The following SLC4A1AP variants were observed in gnomAD, a reference collection of about 807,000 sequenced individuals.
The protein encoded by SLC4A1AP is kanadaptin.
In SLC4A1AP, 64 loss-of-function variants were observed where a neutral mutation model predicts 89.7. That is an observed-to-expected ratio of 0.71 (90% confidence interval 0.58 to 0.88). SLC4A1AP has a LOEUF of 0.88. Ranked by LOEUF, SLC4A1AP falls within the 40% of genes least tolerant of loss-of-function variation. The pLI is 0.00. For missense variants in SLC4A1AP, 931 were observed against 965.0 expected, an observed-to-expected ratio of 0.96 and a Z score of 0.47; for synonymous variants, 366 against 353.3, an observed-to-expected ratio of 1.04 and a Z score of -0.40.
In SLC4A1AP at chr2:27,687,927, T is replaced by C. The variant is rs1558510242; in HGVS notation, c.2117-7T>C. ...ATGACAATATGATTTGATATTGCTT[T>C]TTATAGAAAACATGTCTCAACTTAG... On this transcript the variant is annotated splice_polypyrimidine_tract_variant and splice_region_variant and intron_variant, in intron 10 of 13. Coordinates refer to ENST00000613058, the Ensembl canonical transcript of SLC4A1AP. 2 of 1,608,484 alleles carry C rather than the reference T, an allele frequency of 1.2e-6. No individual in the cohort carries two copies. Among genetic ancestry groups the C allele is most frequent in the Non-Finnish European group, 1.7e-6 (2 of 1,175,436 alleles).
chr2:27,668,263 G>C (rs971863277), intron 3 of SLC4A1AP, among the ~76,000 whole-genome samples: 14 of 151,560 alleles, frequency 9.2e-5, no homozygotes, highest in Admixed American at 2.0e-4. Flanking sequence ...ATTCTCCTGC[G>C]TCAGCCTCCC....
At chr2:27,686,535 C>T (rs988169969) in intron 10 of SLC4A1AP, among the ~76,000 whole-genome samples, 7 of 152,188 alleles carry the variant, frequency 4.6e-5, no homozygotes, top group Middle Eastern at 3.4e-3. Flanking sequence ...GAGGCCGAGG[C>T]GGATGGATCA....
chr2:27,666,239 C>CTGT (rs1355458581), intron 2 of SLC4A1AP, among the ~76,000 whole-genome samples: 13 of 151,044 alleles, frequency 8.6e-5, no homozygotes, highest in Non-Finnish European at 1.9e-4. Flanking sequence ...CATTATATTT[C>CTGT]TGTTGGACAG....
rs1440058622 is a variant in SLC4A1AP at position 27,664,963 on chromosome 2, G to C, written c.826-137G>C. On this transcript the variant is annotated intron_variant, in intron 1 of 13. Transcript: ENST00000613058. ...TCCCAGCTGCTCAGGAGGCTGAGGTGGGAGGATCACCTGAGCCCAGGAGGT... is the reference window on the plus strand; with the variant it reads ...TCCCAGCTGCTCAGGAGGCTGAGGTCGGAGGATCACCTGAGCCCAGGAGGT... The C allele has an allele frequency of 4.9e-6, 3 of 616,248 alleles. No homozygotes were observed. In the African/African-American group the frequency reaches 5.7e-5, roughly 12 times the overall value. 38.2% of individuals were successfully genotyped at this position (616,248 alleles called of 1,614,324 possible).
exon 1 of SLC4A1AP, chr2:27,663,996 T>C: frequency 6.2e-7 from 1 of 1,614,086 alleles, no homozygotes; most frequent in Non-Finnish European, 8.5e-7. Context: ...TCTGCCGGTG[T>C]CCCCAGCGGC....
At chr2:27,673,986 C>T (rs902891750) in intron 5 of SLC4A1AP, among the ~76,000 whole-genome samples, 2 of 144,046 alleles carry the variant, frequency 1.4e-5, no homozygotes, top group East Asian at 2.2e-4. Flanking sequence ...AGGACATATA[C>T]AAGTTGTGTG....
intron 9 of SLC4A1AP, among the ~76,000 whole-genome samples, chr2:27,682,743 C>T (rs1675641754): frequency 6.6e-6 from 1 of 152,060 alleles, no homozygotes; most frequent in African/African-American, 2.4e-5. Context: ...AGGATGGTCT[C>T]CATCTCTTGA....
At chr2:27,679,403 C>T (rs1436870590) in intron 8 of SLC4A1AP, among the ~76,000 whole-genome samples, 2 of 152,070 alleles carry the variant, frequency 1.3e-5, no homozygotes, top group Non-Finnish European at 2.9e-5. Context: ...GAGATCGAGA[C>T]CATCCTGGCT....
intron 1 of SLC4A1AP, among the ~76,000 whole-genome samples, chr2:27,664,895 C>A (rs1241346389): frequency 6.7e-6 from 1 of 150,348 alleles, no homozygotes; most frequent in Non-Finnish European, 1.5e-5. Context: ...TGGCAAGACC[C>A]TGTCTCTTAA....
chr2:27,684,786 T>C (rs1487695703), intron 9 of SLC4A1AP, among the ~76,000 whole-genome samples: 2 of 152,244 alleles, frequency 1.3e-5, no homozygotes, highest in Non-Finnish European at 2.9e-5. Flanking sequence ...ACTATTTTAG[T>C]TCCTTACAAG....
intron 12 of SLC4A1AP, chr2:27,691,503 A>G: frequency 6.7e-6 from 1 of 148,604 alleles, no homozygotes. Flanking sequence ...TTTTTCATTG[A>G]TCTTTTGCAG....
intron 5 of SLC4A1AP, among the ~76,000 whole-genome samples, chr2:27,670,670 C>T (rs1333401880): frequency 6.6e-6 from 1 of 151,368 alleles, no homozygotes; most frequent in African/African-American, 2.4e-5. Flanking sequence ...TCCTGGCTAA[C>T]ACGGTGAAAC....
At chr2:27,664,800 G>C (rs1675278041) in intron 1 of SLC4A1AP, among the ~76,000 whole-genome samples, 2 of 152,194 alleles carry the variant, frequency 1.3e-5, no homozygotes, top group African/African-American at 4.8e-5. Flanking sequence ...AGGCGCGGTG[G>C]CTCGCGCCTG....
At chr2:27,683,364 C>G (rs1223234371) in intron 9 of SLC4A1AP, among the ~76,000 whole-genome samples, 1 of 152,146 alleles carries the variant, frequency 6.6e-6, no homozygotes, top group Non-Finnish European at 1.5e-5. Context: ...TAACAAAATA[C>G]TAGGGATTGG....
At position 27,684,989 on chromosome 2, in the gene SLC4A1AP, G is replaced by A. The variant is rs1387318705; in HGVS notation, c.1876-48G>A. On this transcript the variant is annotated intron_variant, in intron 9 of 13. Transcript: ENST00000613058. ...ACCTCCTTGAAAAGATTTTTCTCTT[G>A]TTGTCATTAAGTAGAACTACTTGTT... 3 of 1,539,874 alleles carry A rather than the reference G, an allele frequency of 1.9e-6. No homozygotes were observed. In the East Asian group the frequency reaches 6.8e-5, roughly 35 times the overall value.
intron 5 of SLC4A1AP, among the ~76,000 whole-genome samples, chr2:27,672,806 T>C (rs1675447478): frequency 6.6e-6 from 1 of 152,234 alleles, no homozygotes. Flanking sequence ...AGTATCCTTT[T>C]GGTTTTCCTC....
intron 4 of SLC4A1AP, 118 bp from the exon 5 acceptor site, chr2:27,669,130 T>C: frequency 8.6e-7 from 1 of 1,166,978 alleles, no homozygotes; most frequent in Non-Finnish European, 1.2e-6. Context: ...TAGAACAAGA[T>C]GGATTCAAAG....
At chr2:27,675,983 C>A (rs1675515007) in intron 6 of SLC4A1AP, among the ~76,000 whole-genome samples, 1 of 152,048 alleles carries the variant, frequency 6.6e-6, no homozygotes, top group African/African-American at 2.4e-5. Context: ...GGAAAAAGTT[C>A]CAAGTTAGGG....
chr2:27,677,781 G>T, exon 8 of SLC4A1AP: 1 of 1,612,982 alleles, frequency 6.2e-7, no homozygotes, highest in Non-Finnish European at 8.5e-7. Context: ...ATGCGTTCAT[G>T]TCAGAAATGA....
Sources: gnomAD v4.1 joint callset for allele counts (sites outside exome capture counted in the v4.1 genomes callset) on GRCh38, gnomAD v4.1.1 for gene constraint, MANE v1.5 for transcripts, NCBI Gene and HGNC (gene_info 2026-07-23, HGNC 2026-07-21) for gene names.